MTNAP1: variants seen among roughly 807,000 people sequenced by gnomAD.
MTNAP1 encodes mitochondrial nucleoid associated protein 1, also known as mitochondrial nucleoid-associated protein 1.
chr17:73,243,536 A>G, the MTNAP1 span, among the ~76,000 whole-genome samples: 1 of 138,156 alleles, frequency 7.2e-6, no homozygotes, highest in Non-Finnish European at 1.6e-5. Flanking sequence ...CTTGTCCTCC[A>G]TTTCATGTTG....
chr17:73,246,947 C>T, the MTNAP1 span, among the ~76,000 whole-genome samples: 1 of 152,164 alleles, frequency 6.6e-6, no homozygotes, highest in East Asian at 1.9e-4. Flanking sequence ...TGTCCTTACT[C>T]AAGACCAGAA....
the MTNAP1 span, among the ~76,000 whole-genome samples, chr17:73,246,992 T>C: frequency 6.6e-6 from 1 of 152,114 alleles, no homozygotes; most frequent in African/African-American, 2.4e-5. Context: ...AGAATGACCT[T>C]CAGTAATACC....
At chr17:73,243,095 T>TTTTTG in the MTNAP1 span, 41,211 of 902,094 alleles carry the variant, frequency 0.046, 96 homozygotes, top group East Asian at 0.082. Flanking sequence ...TTTTTTTTTT[T>TTTTTG]TTTTTTACAG....
At chr17:73,247,285 T>C in the MTNAP1 span, 20 of 1,614,172 alleles carry the variant, frequency 1.2e-5, no homozygotes, top group Non-Finnish European at 1.7e-5. Flanking sequence ...AGTACCTCCA[T>C]GCATTGGTGT....
chr17:73,242,754 C>T, the MTNAP1 span: 2 of 636,616 alleles, frequency 3.1e-6, no homozygotes, highest in Non-Finnish European at 5.4e-6. Context: ...TGATGTTAGC[C>T]TTTATGTGTT....
the MTNAP1 span, among the ~76,000 whole-genome samples, chr17:73,246,892 C>G: frequency 5.3e-5 from 8 of 152,140 alleles, no homozygotes; most frequent in Non-Finnish European, 1.2e-4. Flanking sequence ...TCTGTGAATG[C>G]TCTTTAGGAG....
chr17:73,248,294 A>C, the MTNAP1 span: 2 of 579,186 alleles, frequency 3.5e-6, no homozygotes, highest in Non-Finnish European at 6.2e-6. Flanking sequence ...AGAAGCCAGT[A>C]CGCTTCAGGT....
At chr17:73,246,093 T>C in the MTNAP1 span, among the ~76,000 whole-genome samples, 1 of 152,188 alleles carries the variant, frequency 6.6e-6, no homozygotes, top group Non-Finnish European at 1.5e-5. Context: ...TAGGCAACGT[T>C]GATGGATAAG....
the MTNAP1 span, among the ~76,000 whole-genome samples, chr17:73,240,164 A>G: frequency 2.6e-5 from 4 of 152,236 alleles, no homozygotes; most frequent in African/African-American, 9.6e-5. Context: ...AGGAGGGAAA[A>G]TAGAATTTTT....
chr17:73,247,245 AT>A, the MTNAP1 span: 3 of 1,614,096 alleles, frequency 1.9e-6, no homozygotes, highest in Non-Finnish European at 2.5e-6. Context: ...TTACAGAAAA[AT>A]TGTGCCGACC....
the MTNAP1 span, chr17:73,247,363 AGCCTTCGTGACTTCTCTCTAGT>A: frequency 7.0e-5 from 113 of 1,613,558 alleles, no homozygotes; most frequent in South Asian, 5.8e-4. Flanking sequence ...AAGTAGGAGA[AGCCTTCGTGACTTCTCTCTAGT>A]GCCTTCGTGC....
At chr17:73,239,684 A>AG in the MTNAP1 span, among the ~76,000 whole-genome samples, 12 of 149,834 alleles carry the variant, frequency 8.0e-5, no homozygotes, top group African/African-American at 3.0e-4. Flanking sequence ...ACGCCCAGCT[A>AG]ATTTTTTTTT....
chr17:73,242,369 C>G, the MTNAP1 span: 1 of 1,477,444 alleles, frequency 6.8e-7, no homozygotes, highest in Non-Finnish European at 9.2e-7. Context: ...TGGAGTTTGA[C>G]TGTTGTCTTC....
the MTNAP1 span, among the ~76,000 whole-genome samples, chr17:73,237,892 G>A: frequency 6.6e-6 from 1 of 152,118 alleles, no homozygotes; most frequent in Admixed American, 6.6e-5. Context: ...GAAGATCAAG[G>A]ACCAGAAACG....
the MTNAP1 span, among the ~76,000 whole-genome samples, chr17:73,237,752 G>A: frequency 2.0e-5 from 3 of 152,206 alleles, no homozygotes; most frequent in African/African-American, 7.2e-5. Flanking sequence ...CTAGGTTTCA[G>A]GCAAATGCAA....
chr17:73,233,805 T>A, the MTNAP1 span, among the ~76,000 whole-genome samples: 1,499 of 151,858 alleles, frequency 9.9e-3, 31 homozygotes, highest in African/African-American at 0.034. Flanking sequence ...CCTGGGAGGC[T>A]GAGGTTGCTG....
chr17:73,239,894 G>A, the MTNAP1 span, among the ~76,000 whole-genome samples: 6 of 152,126 alleles, frequency 3.9e-5, no homozygotes, highest in East Asian at 1.9e-4. Context: ...ACCCAGGTTC[G>A]TCTGACTCTA....
At chr17:73,234,420 G>A in the MTNAP1 span, among the ~76,000 whole-genome samples, 1 of 150,852 alleles carries the variant, frequency 6.6e-6, no homozygotes. Context: ...GGCCAGGCGT[G>A]GTGTCTCACG....
At chr17:73,236,243 G>A in the MTNAP1 span, 112 of 1,614,090 alleles carry the variant, frequency 6.9e-5, no homozygotes, top group Middle Eastern at 1.2e-3. Context: ...GATTCCAAAG[G>A]CAGGGATCAC....
Sources: gnomAD v4.1 joint callset for allele counts (sites outside exome capture counted in the v4.1 genomes callset) on GRCh38, gnomAD v4.1.1 for gene constraint, MANE v1.5 for transcripts, NCBI Gene and HGNC (gene_info 2026-07-23, HGNC 2026-07-21) for gene names.